The following GPHN variants were observed in gnomAD, a reference collection of about 807,000 sequenced individuals.
The protein encoded by GPHN is gephyrin.
A neutral mutation model predicts 95.5 loss-of-function variants in GPHN; 17 were observed. The observed-to-expected ratio is 0.18, with a 90% CI of 0.12 to 0.27. GPHN has a LOEUF of 0.27. Ranked by LOEUF, GPHN falls within the 10% of genes least tolerant of loss-of-function variation. The pLI, the probability that GPHN is intolerant of heterozygous loss-of-function variation, is 1.00. For synonymous variants in GPHN, 320 were observed against 322.5 expected (o/e 0.99, Z 0.08); for missense variants, 660 against 978.1 (o/e 0.67, Z 4.34).
At chr14:66,694,073 A>G (rs998264631) in intron 2 of GPHN, among the ~76,000 whole-genome samples, 2 of 152,152 alleles carry the variant, frequency 1.3e-5, no homozygotes, top group African/African-American at 4.8e-5. Flanking sequence ...GTCTGAATGT[A>G]TATATCTGCC....
chr14:66,998,561 A>C (rs1594771719), intron 9 of GPHN, among the ~76,000 whole-genome samples: 1 of 152,080 alleles, frequency 6.6e-6, no homozygotes, highest in Admixed American at 6.6e-5. Context: ...TCATTGGTAC[A>C]AAGTACAGTA....
intron 16 of GPHN, among the ~76,000 whole-genome samples, chr14:67,119,044 G>A (rs2078862533): frequency 1.3e-5 from 2 of 152,180 alleles, no homozygotes; most frequent in South Asian, 4.1e-4. Flanking sequence ...AGCAAAGTCC[G>A]AGCAGAGATT....
chr14:67,342,067 T>C, the GPHN span, among the ~76,000 whole-genome samples: 1 of 152,090 alleles, frequency 6.6e-6, no homozygotes, highest in Non-Finnish European at 1.5e-5. Context: ...CAGGGTCCTC[T>C]GCCTAGGAAA....
At chr14:67,070,715 A>AAAAAAAAAAATATATATATATATATATAT in intron 11 of GPHN, among the ~76,000 whole-genome samples, 1 of 80,704 alleles carries the variant, frequency 1.2e-5, no homozygotes, top group South Asian at 4.3e-4. Context: ...AAAAAAAAAA[A>AAAAAAAAAAATATATATATATATATATAT]ATATATATAT....
chr14:66,654,001 G>A (rs897647727), intron 1 of GPHN, among the ~76,000 whole-genome samples: 5 of 152,164 alleles, frequency 3.3e-5, no homozygotes, highest in Admixed American at 1.3e-4. Context: ...CTGCTAAAAT[G>A]TATGCAGAAT....
the GPHN span, among the ~76,000 whole-genome samples, chr14:67,422,050 C>T: frequency 6.6e-6 from 1 of 152,092 alleles, no homozygotes; most frequent in Non-Finnish European, 1.5e-5. Context: ...TCTCTCAGGG[C>T]CTAGCCAGTT....
At chr14:66,905,824 A>T (rs937534779) in intron 5 of GPHN, among the ~76,000 whole-genome samples, 1 of 152,052 alleles carries the variant, frequency 6.6e-6, no homozygotes, top group Non-Finnish European at 1.5e-5. Flanking sequence ...GAGAACATTC[A>T]GTATGTGGTT....
chr14:66,673,149 G>A (rs1221480923), intron 1 of GPHN, among the ~76,000 whole-genome samples: 1 of 152,062 alleles, frequency 6.6e-6, no homozygotes, highest in Non-Finnish European at 1.5e-5. Flanking sequence ...CTGGAGTACA[G>A]TGGCGCGATC....
chr14:67,069,875 G>A (rs940230864), intron 11 of GPHN, among the ~76,000 whole-genome samples: 1 of 152,126 alleles, frequency 6.6e-6, no homozygotes, highest in African/African-American at 2.4e-5. Context: ...TGATTGAGCT[G>A]TACAAAATTG....
intron 17 of GPHN, among the ~76,000 whole-genome samples, chr14:67,127,760 G>A (rs2079422602): frequency 2.0e-5 from 3 of 152,198 alleles, no homozygotes; most frequent in Admixed American, 6.5e-5. Context: ...CAAATTCCAA[G>A]CAGTAAAAAT....
At chr14:67,659,505 G>A in the GPHN span, among the ~76,000 whole-genome samples, 4 of 150,888 alleles carry the variant, frequency 2.7e-5, no homozygotes, top group African/African-American at 9.7e-5. Context: ...ATTATATTAA[G>A]GATAAAAAGA....
the GPHN span, among the ~76,000 whole-genome samples, chr14:67,524,850 A>G: frequency 1.3e-5 from 2 of 152,132 alleles, no homozygotes; most frequent in East Asian, 3.9e-4. Context: ...GTGATCCCCA[A>G]CTCCCCCAGG....
chr14:66,787,931 T>C (rs1297718719), intron 3 of GPHN, among the ~76,000 whole-genome samples: 3 of 150,582 alleles, frequency 2.0e-5, no homozygotes, highest in African/African-American at 4.9e-5. Context: ...GCTAGATGAA[T>C]GAAGAGGCCT....
At chr14:67,408,235 G>A in the GPHN span, among the ~76,000 whole-genome samples, 2 of 150,630 alleles carry the variant, frequency 1.3e-5, no homozygotes, top group Non-Finnish European at 2.9e-5. Context: ...GCAGTGAGCC[G>A]AGATTGCACC....
At chr14:67,643,247 T>C in the GPHN span, among the ~76,000 whole-genome samples, 143 of 152,354 alleles carry the variant, frequency 9.4e-4, 1 homozygote, top group African/African-American at 3.3e-3. Context: ...GCAGGAAATT[T>C]GTGATATATT....
chr14:67,533,033 T>C, the GPHN span, among the ~76,000 whole-genome samples: 1 of 151,942 alleles, frequency 6.6e-6, no homozygotes, highest in Non-Finnish European at 1.5e-5. Context: ...AGCCCAGCGG[T>C]GCGGAGAAGT....
At chr14:66,838,713 T>G (rs941539652) in intron 4 of GPHN, among the ~76,000 whole-genome samples, 1 of 152,192 alleles carries the variant, frequency 6.6e-6, no homozygotes, top group Non-Finnish European at 1.5e-5. Flanking sequence ...TATTCCTTTC[T>G]TTACTACTGT....
the GPHN span, chr14:67,733,932 G>A: frequency 7.8e-6 from 8 of 1,023,778 alleles, no homozygotes; most frequent in East Asian, 2.0e-4. Flanking sequence ...CTAAAGGATT[G>A]TCCTCTTGGC....
At chr14:67,306,231 A>G in the GPHN span, among the ~76,000 whole-genome samples, 1 of 150,074 alleles carries the variant, frequency 6.7e-6, no homozygotes, top group Non-Finnish European at 1.5e-5. Context: ...TGGCCTCCCA[A>G]AGTGCTGGGA....
Sources: allele counts gnomAD v4.1 joint callset (sites outside exome capture counted in the v4.1 genomes callset), GRCh38; gene constraint gnomAD v4.1.1; transcripts MANE v1.5; gene names NCBI Gene and HGNC (gene_info 2026-07-23, HGNC 2026-07-21).